The following ANKS1B variants were observed in gnomAD, a reference collection of about 807,000 sequenced individuals.
The protein encoded by ANKS1B is ankyrin repeat and sterile alpha motif domain-containing protein 1B.
ANKS1B carries 36 observed loss-of-function variants against 148.3 expected under a neutral mutation model. That is an observed-to-expected ratio of 0.24 (90% CI 0.19 to 0.32). The LOEUF (loss-of-function observed/expected upper bound fraction) is 0.32, where lower values mean the gene tolerates loss of function less well. Ranked by LOEUF, ANKS1B falls within the 10% of genes least tolerant of loss-of-function variation. The pLI, the probability that ANKS1B is intolerant of heterozygous loss-of-function variation, is 1.00. For synonymous variants in ANKS1B, 542 were observed against 560.8 expected (o/e 0.97, Z 0.47); for missense variants, 1,157 against 1,542.6 (o/e 0.75, Z 4.19).
intron 1 of ANKS1B, among the ~76,000 whole-genome samples, chr12:99,980,621 G>GA (rs2095687206): frequency 6.6e-6 from 1 of 151,964 alleles, no homozygotes; most frequent in South Asian, 2.1e-4. Flanking sequence ...CAAAATTTGA[G>GA]AATATGTAAA....
chr12:99,152,249 GA>G (rs1455674950), intron 15 of ANKS1B, among the ~76,000 whole-genome samples: 1 of 152,080 alleles, frequency 6.6e-6, no homozygotes, highest in Non-Finnish European at 1.5e-5. Context: ...ACCACTTCAT[GA>G]TTTGCTTCAT....
intron 14 of ANKS1B, among the ~76,000 whole-genome samples, chr12:99,237,007 T>C (rs1345037928): frequency 1.3e-5 from 2 of 152,144 alleles, no homozygotes; most frequent in African/African-American, 2.4e-5. Flanking sequence ...CTAGGCTTAA[T>C]ACCTGGGTGA....
chr12:99,767,244 C>T (rs2062735496), intron 8 of ANKS1B, among the ~76,000 whole-genome samples: 1 of 152,036 alleles, frequency 6.6e-6, no homozygotes, highest in Non-Finnish European at 1.5e-5. Context: ...AGTTGCTGAA[C>T]AAAATTGCAC....
At chr12:99,957,427 A>G (rs1396665866) in intron 1 of ANKS1B, among the ~76,000 whole-genome samples, 2 of 152,202 alleles carry the variant, frequency 1.3e-5, no homozygotes, top group Non-Finnish European at 2.9e-5. Context: ...AATATCTCCT[A>G]CAAATCTCTG....
At chr12:99,159,453 C>T (rs768035965) in intron 14 of ANKS1B, among the ~76,000 whole-genome samples, 1 of 152,090 alleles carries the variant, frequency 6.6e-6, no homozygotes, top group African/African-American at 2.4e-5. Flanking sequence ...TATTTAGCTC[C>T]CACTTATAAG....
At chr12:99,155,204 C>T (rs1333246604) in intron 14 of ANKS1B, 2 of 1,187,090 alleles carry the variant, frequency 1.7e-6, no homozygotes, top group African/African-American at 1.6e-5. Context: ...TCCTTTCTTT[C>T]CTGTCTTTTC....
In ANKS1B at chr12:99,812,542, CACACACACACACACACAG is replaced by C. The variant is rs1366701367; in HGVS notation, c.216-249_216-232del. Among the ~76,000 whole-genome samples the C allele has an allele frequency of 4.2e-5, 4 of 94,730 alleles. No individual in the cohort carries two copies. In the Admixed American group the frequency reaches 4.5e-4, roughly 11 times the overall value. The allele number at this position is 94,730 out of a possible 152,430, so 62.1% of individuals were successfully genotyped here. On this transcript the variant is annotated intron_variant, in intron 2 of 26. Coordinates refer to ENST00000683438, the MANE Select transcript of ANKS1B (RefSeq NM_001352186.2). ...ACACACACACACACACACACACACACACACACACACACACACAGAGAGAGAGAGAGAGAGAAAGAGAGC... is the reference window on the plus strand; with the variant it reads ...ACACACACACACACACACACACACACAGAGAGAGAGAGAGAGAAAGAGAGC...
In ANKS1B at chr12:98,737,047, A is replaced by C. The variant is rs536859451; in HGVS notation, c.691-1413T>G. ...CTCCCTCCAGATTGTTGTAGGATTT[A>C]ATGAGATAAAGCTCCTGAAGCACTT... On this transcript the variant is annotated intron_variant, in intron 9 of 9. Coordinates refer to the ANKS1B transcript ENST00000341752. Among the ~76,000 whole-genome samples, 3 of 152,318 alleles carry C rather than the reference A, an allele frequency of 2.0e-5. No homozygotes were observed. The East Asian group carries it at 5.8e-4, about 29-fold the overall frequency.
At chr12:99,385,811 A>T (rs2093835960) in intron 12 of ANKS1B, among the ~76,000 whole-genome samples, 1 of 152,266 alleles carries the variant, frequency 6.6e-6, no homozygotes, top group Admixed American at 6.5e-5. Flanking sequence ...TCAAATTTAA[A>T]TAAAGTAAGT....
chr12:99,962,832 G>A (rs1445956667), intron 1 of ANKS1B, among the ~76,000 whole-genome samples: 28 of 22,216 alleles, frequency 1.3e-3, no homozygotes, highest in Non-Finnish European at 2.2e-3. Context: ...TTTTTTTTTT[G>A]AGACGGAGTC....
intron 15 of ANKS1B, among the ~76,000 whole-genome samples, chr12:99,149,831 T>C (rs1345662181): frequency 6.6e-6 from 1 of 152,132 alleles, no homozygotes; most frequent in African/African-American, 2.4e-5. Context: ...AATTTGCTGC[T>C]GACACACCAA....
chr12:99,351,465 G>A (rs1311885395), intron 12 of ANKS1B, among the ~76,000 whole-genome samples: 2 of 151,582 alleles, frequency 1.3e-5, no homozygotes, highest in East Asian at 1.9e-4. Context: ...TTATGGGAAT[G>A]TTAGTGTTTC....
rs189507156 is a variant in ANKS1B, at chr12:99,959,109, G to A, written c.134+24995C>T. The stretch of plus-strand genomic sequence containing the variant: ...CTCACTCTGTTGCCCAGGCTAGAGT[G>A]CAGTGGCATGGCGCGATCTTGGCTC... On this transcript the variant is annotated intron_variant, in intron 1 of 26. Transcript: ENST00000683438. Among the ~76,000 whole-genome samples, 10 of 146,758 alleles carry A rather than the reference G, an allele frequency of 6.8e-5. No homozygotes were observed. The East Asian group carries it at 2.0e-3, about 30-fold the overall frequency.
intron 1 of ANKS1B, among the ~76,000 whole-genome samples, chr12:99,966,859 A>G (rs775157769): frequency 1.3e-5 from 2 of 152,198 alleles, no homozygotes; most frequent in Non-Finnish European, 2.9e-5. Context: ...TTTCTGTTCA[A>G]GTTATCTTTG....
At chr12:99,223,617 G>C (rs2085448354) in intron 14 of ANKS1B, among the ~76,000 whole-genome samples, 1 of 152,126 alleles carries the variant, frequency 6.6e-6, no homozygotes, top group Admixed American at 6.5e-5. Context: ...CGGTGGTAAT[G>C]CTCGCTCACC....
chr12:99,654,050 G>C (rs894780479), intron 9 of ANKS1B, among the ~76,000 whole-genome samples: 3 of 152,142 alleles, frequency 2.0e-5, no homozygotes, highest in Non-Finnish European at 4.4e-5. Flanking sequence ...GGAGCTCACA[G>C]TTTAGTATGT....
chr12:99,812,040 T>G lies in ANKS1B; in HGVS notation c.372+115A>C, dbSNP rs953842387. On this transcript the variant is annotated intron_variant, in intron 3 of 26. Transcript: ENST00000683438. ...TTTCAAATTTCTCCTTTTAGGAAATTCAGCAATGGAAAGGCCTTTGGGCAA... is the reference window on the plus strand; with the variant it reads ...TTTCAAATTTCTCCTTTTAGGAAATGCAGCAATGGAAAGGCCTTTGGGCAA... 1.3e-5 allele frequency: 17 copies of G among 1,260,318 alleles called. No homozygotes were observed. In the African/African-American group the frequency reaches 2.1e-4, roughly 15 times the overall value. 78.1% of individuals were successfully genotyped at this position (1,260,318 alleles called of 1,614,324 possible).
chr12:99,549,660 T>A (rs1389978350), intron 9 of ANKS1B, among the ~76,000 whole-genome samples: 3 of 152,172 alleles, frequency 2.0e-5, no homozygotes, highest in Non-Finnish European at 4.4e-5. Context: ...AGATATTGCT[T>A]AGTAATAGCA....
At chr12:99,794,128 C>T (rs927449183) in intron 4 of ANKS1B, among the ~76,000 whole-genome samples, 2 of 151,904 alleles carry the variant, frequency 1.3e-5, no homozygotes, top group African/African-American at 4.8e-5. Flanking sequence ...GAAATGTCAC[C>T]TCACCCCAGT....
Sources: gnomAD v4.1 joint callset for allele counts (sites outside exome capture counted in the v4.1 genomes callset) on GRCh38, gnomAD v4.1.1 for gene constraint, MANE v1.5 for transcripts, NCBI Gene and HGNC (gene_info 2026-07-23, HGNC 2026-07-21) for gene names.